The following STXBP5L variants were observed in gnomAD, a reference collection of about 807,000 sequenced individuals.
STXBP5L encodes syntaxin binding protein 5L.
STXBP5L carries 65 observed loss-of-function variants against 144.5 expected under a neutral mutation model. The observed-to-expected ratio is 0.45, with a 90% CI of 0.37 to 0.55. The LOEUF is 0.55. STXBP5L is among the 20% of genes least tolerant of loss of function. The pLI, the probability that STXBP5L is intolerant of heterozygous loss-of-function variation, is 0.00. For missense variants in STXBP5L, 1,298 were observed against 1,405.5 expected, an observed-to-expected ratio of 0.92 and a Z score of 1.22; for synonymous variants, 505 against 469.6, an observed-to-expected ratio of 1.08 and a Z score of -0.97.
At chr3:121,002,574 C>T (rs1487371893) in intron 3 of STXBP5L, among the ~76,000 whole-genome samples, 2 of 151,958 alleles carry the variant, frequency 1.3e-5, no homozygotes, top group South Asian at 2.1e-4. Context: ...TTGTTTTTGC[C>T]TTTGCTTTTG....
intron 3 of STXBP5L, among the ~76,000 whole-genome samples, chr3:121,014,128 T>C (rs968438023): frequency 1.3e-5 from 2 of 152,096 alleles, no homozygotes; most frequent in African/African-American, 2.4e-5. Flanking sequence ...CAGGCTCTTT[T>C]GGTTCCATGT....
chr3:121,259,320 C>A, intron 18 of STXBP5L, 152 bp downstream of exon 18: 1 of 593,892 alleles, frequency 1.7e-6, no homozygotes, highest in Non-Finnish European at 2.4e-6. Flanking sequence ...TTTAAATTTA[C>A]ATTATGGTTT....
chr3:121,321,975 C>A (rs1369147119), intron 20 of STXBP5L, among the ~76,000 whole-genome samples: 1 of 152,192 alleles, frequency 6.6e-6, no homozygotes, highest in Non-Finnish European at 1.5e-5. Context: ...TAGTACCCTA[C>A]AGTTAGTTTA....
chr3:121,369,341 C>CT lies in STXBP5L; in HGVS notation c.2177-9363dup, dbSNP rs34663246. ...TCCATCTCAGAATCCTCCTGTTTGGCTTTTTTTTTTTTAATGGTTTCTATC... is the reference window on the plus strand; with the variant it reads ...TCCATCTCAGAATCCTCCTGTTTGGCTTTTTTTTTTTTTAATGGTTTCTATC... On this transcript the variant is annotated intron_variant, in intron 20 of 26. Transcript: ENST00000471454. 1.4e-3 allele frequency among the ~76,000 whole-genome samples: 198 copies of CT among 145,342 alleles called. 1 individual carries two copies. The highest frequency in any genetic ancestry group is 7.1e-3 in the Middle Eastern group (2 of 280).
Position 121,177,361 on chromosome 3 carries a change from C to T in STXBP5L, c.877+19734C>T, listed in dbSNP as rs866844564. ...AAAAATATTTCTAAATTATATATCT[C>T]ATAAAGGGTGAATATCCAGAAAATG... is the stretch of plus-strand genomic sequence containing the variant. On this transcript the variant is annotated intron_variant, in intron 9 of 26. Coordinates refer to ENST00000471454, the MANE Select transcript of STXBP5L (RefSeq NM_001308330.2). 3.3e-5 allele frequency among the ~76,000 whole-genome samples: 5 copies of T among 152,006 alleles called. No homozygotes were observed. In the South Asian group the frequency reaches 6.2e-4, roughly 19 times the overall value.
intron 19 of STXBP5L, among the ~76,000 whole-genome samples, chr3:121,305,606 A>G (rs1437732121): frequency 6.6e-6 from 1 of 152,170 alleles, no homozygotes; most frequent in African/African-American, 2.4e-5. Context: ...AGATATTTTA[A>G]AATAAAAATC....
chr3:121,223,031 C>A lies in STXBP5L; in HGVS notation c.985C>A (p.Leu329Met), dbSNP rs756271385. Reference sequence around the variant, plus strand: ...ACCATTCATAATATTCTCTGGTGGGCTGTCCTATGACAAAGCTTGTAGAAG... The same window carrying A: ...ACCATTCATAATATTCTCTGGTGGGATGTCCTATGACAAAGCTTGTAGAAG... ...SEPFIIFSGG[L>M]SYDKACRRPS... The change falls in exon 11 of 27, where the codon CTG becomes ATG. Residue 329 changes from leucine to methionine, a missense_variant. Coordinates refer to ENST00000471454, the MANE Select transcript of STXBP5L (RefSeq NM_001308330.2). 1 of 1,609,478 alleles carries A rather than the reference C, an allele frequency of 6.2e-7. No individual in the cohort carries two copies. Among genetic ancestry groups the A allele is most frequent in the Admixed American group, 1.7e-5 (1 of 58,862 alleles).
rs541471358 is a variant in STXBP5L at position 121,011,898 on chromosome 3, A to G, written c.288-29802A>G. Among the ~76,000 whole-genome samples, 11 of 151,970 alleles carry G rather than the reference A, an allele frequency of 7.2e-5. No homozygotes were observed. The East Asian group carries it at 1.4e-3, about 19-fold the overall frequency. ...CACGGGGTTGTGCAATAATTACTACAGTGAATTTTAGAACATTTCCATCAC... is the reference window on the plus strand; with the variant it reads ...CACGGGGTTGTGCAATAATTACTACGGTGAATTTTAGAACATTTCCATCAC... On this transcript the variant is annotated intron_variant, in intron 3 of 26. Coordinates refer to ENST00000471454, the MANE Select transcript of STXBP5L (RefSeq NM_001308330.2).
At chr3:121,274,440 C>T (rs2050820662) in intron 18 of STXBP5L, among the ~76,000 whole-genome samples, 1 of 152,234 alleles carries the variant, frequency 6.6e-6, no homozygotes, top group Non-Finnish European at 1.5e-5. Flanking sequence ...GTATTGAAAG[C>T]TGTTGAGTTT....
chr3:121,052,497 CAT>C (rs1454570850), intron 5 of STXBP5L, among the ~76,000 whole-genome samples: 1 of 152,170 alleles, frequency 6.6e-6, no homozygotes, highest in East Asian at 1.9e-4. Context: ...GCAAAAACCA[CAT>C]GATTATCTCA....
chr3:121,260,033 C>T (rs1308147813), intron 18 of STXBP5L, among the ~76,000 whole-genome samples: 1 of 152,036 alleles, frequency 6.6e-6, no homozygotes. Context: ...TAGCCCTCCA[C>T]AGAGGTTGTG....
chr3:121,222,624 A>G (rs2049006151), intron 10 of STXBP5L, among the ~76,000 whole-genome samples: 3 of 152,140 alleles, frequency 2.0e-5, no homozygotes, highest in South Asian at 2.1e-4. Flanking sequence ...AGGCCAGCTA[A>G]TTAATCTGAT....
At chr3:121,307,790 T>C (rs1036109382) in intron 19 of STXBP5L, among the ~76,000 whole-genome samples, 1 of 152,096 alleles carries the variant, frequency 6.6e-6, no homozygotes, top group Admixed American at 6.5e-5. Context: ...ACTTCCCAAA[T>C]TTTATGAAAA....
intron 9 of STXBP5L, among the ~76,000 whole-genome samples, chr3:121,180,542 A>G (rs1186165151): frequency 6.6e-6 from 1 of 152,152 alleles, no homozygotes; most frequent in East Asian, 1.9e-4. Context: ...AAACAAACAA[A>G]CAATGTATTT....
chr3:121,039,619 C>T (rs750028932), intron 3 of STXBP5L, among the ~76,000 whole-genome samples: 23 of 151,750 alleles, frequency 1.5e-4, no homozygotes, highest in Non-Finnish European at 3.4e-4. Flanking sequence ...CCTTTTAGTG[C>T]AGGTCTGTTC....
intron 3 of STXBP5L, among the ~76,000 whole-genome samples, chr3:121,031,385 T>TA (rs1339663027): frequency 8.1e-6 from 1 of 123,126 alleles, no homozygotes; most frequent in African/African-American, 3.1e-5. Context: ...TGTATATATT[T>TA]CTATTTCTGT....
intron 3 of STXBP5L, among the ~76,000 whole-genome samples, chr3:120,973,373 G>A (rs1225263102): frequency 6.6e-6 from 1 of 151,702 alleles, no homozygotes; most frequent in East Asian, 1.9e-4. Context: ...GCTCATAATG[G>A]TCTCTGGTGA....
intron 2 of STXBP5L, among the ~76,000 whole-genome samples, chr3:120,941,691 A>G (rs925047263): frequency 2.6e-5 from 4 of 151,780 alleles, no homozygotes; most frequent in African/African-American, 9.7e-5. Context: ...CTGCTTATAT[A>G]CACAAATCAT....
At chr3:121,362,263 C>G (rs1370345154) in intron 20 of STXBP5L, among the ~76,000 whole-genome samples, 1 of 152,176 alleles carries the variant, frequency 6.6e-6, no homozygotes, top group Admixed American at 6.5e-5. Flanking sequence ...GGGTCTCACC[C>G]AAGGCCTGCT....
Sources: gnomAD v4.1 joint callset for allele counts (sites outside exome capture counted in the v4.1 genomes callset) on GRCh38, gnomAD v4.1.1 for gene constraint, MANE v1.5 for transcripts, NCBI Gene and HGNC (gene_info 2026-07-23, HGNC 2026-07-21) for gene names.